NCAPG2: variants seen among roughly 807,000 people sequenced by gnomAD.
NCAPG2 encodes condensin-2 complex subunit G2.
NCAPG2 carries 53 observed loss-of-function variants against 141.1 expected under a neutral mutation model. That is an observed-to-expected ratio of 0.38 (90% CI 0.30 to 0.47). The LOEUF is 0.47. NCAPG2 is among the 20% of genes least tolerant of loss of function. The pLI, the probability that NCAPG2 is intolerant of heterozygous loss-of-function variation, is 0.99. For synonymous variants in NCAPG2, 499 were observed against 490.7 expected (o/e 1.02, Z -0.22); for missense variants, 1,087 against 1,389.0 (o/e 0.78, Z 3.46).
chr7:158,658,324 A>G lies in NCAPG2; in HGVS notation c.2060+14T>C, dbSNP rs965930010. ...TTCCTACTTTTCTACCGTACCAAAA[A>G]ACAGAGCAAATACCTGAATGGGGGG... On this transcript the variant is annotated intron_variant, in intron 17 of 27. Coordinates refer to ENST00000356309, the MANE Select transcript of NCAPG2 (RefSeq NM_017760.7). 2 of 1,600,988 alleles carry G rather than the reference A, an allele frequency of 1.2e-6. No individual in the cohort carries two copies. Among genetic ancestry groups the G allele is most frequent in the Non-Finnish European group, 1.7e-6 (2 of 1,173,766 alleles).
chr7:158,670,773 C>T (rs1314643066), intron 13 of NCAPG2, among the ~76,000 whole-genome samples: 1 of 152,116 alleles, frequency 6.6e-6, no homozygotes, highest in Non-Finnish European at 1.5e-5. Context: ...TTCATGGCCA[C>T]ACGGCACCAC....
chr7:158,655,655 C>T (rs148667912), intron 19 of NCAPG2, among the ~76,000 whole-genome samples, 200 bp from the exon 20 acceptor site: 2 of 744 alleles, frequency 2.7e-3, no homozygotes, highest in Non-Finnish European at 7.1e-3. Context: ...GGTGAGCAGC[C>T]TCAGCTCACC....
At chr7:158,651,692 T>C (rs1388373597) in intron 23 of NCAPG2, among the ~76,000 whole-genome samples, 1 of 152,212 alleles carries the variant, frequency 6.6e-6, no homozygotes, top group African/African-American at 2.4e-5. Flanking sequence ...GGTTTTTATA[T>C]GAAGTGCTTA....
chr7:158,695,744 T>C (rs1000007062), intron 2 of NCAPG2, among the ~76,000 whole-genome samples: 1 of 150,986 alleles, frequency 6.6e-6, no homozygotes, highest in Non-Finnish European at 1.5e-5. Context: ...TCTAGGGCCA[T>C]AGGACACTGG....
At chr7:158,637,909 C>T (rs545818476) in intron 27 of NCAPG2, among the ~76,000 whole-genome samples, 35 of 152,160 alleles carry the variant, frequency 2.3e-4, no homozygotes, top group South Asian at 1.9e-3. Context: ...TTTGGGAGGC[C>T]GAGGCGGGCG....
At chr7:158,656,127 A>T in intron 19 of NCAPG2, 133 bp downstream of exon 19, 4 of 1,176,154 alleles carry the variant, frequency 3.4e-6, no homozygotes, top group Non-Finnish European at 4.8e-6. Context: ...CAACTGAATG[A>T]GGTGACATGA....
At chr7:158,636,200 T>C (rs929822026) in intron 27 of NCAPG2, among the ~76,000 whole-genome samples, 8 of 152,146 alleles carry the variant, frequency 5.3e-5, no homozygotes, top group African/African-American at 7.2e-5. Context: ...CTTTTCCACA[T>C]TGTAAGTTCT....
intron 11 of NCAPG2, among the ~76,000 whole-genome samples, chr7:158,676,365 G>T (rs906864117): frequency 4.6e-5 from 7 of 152,192 alleles, no homozygotes; most frequent in African/African-American, 1.4e-4. Context: ...AAAAGATTAT[G>T]GCAAGAGAGC....
At chr7:158,671,413 AGTTAT>A in intron 13 of NCAPG2, 96 bp downstream of exon 13, 1 of 1,367,992 alleles carries the variant, frequency 7.3e-7, no homozygotes, top group Non-Finnish European at 1.0e-6. Context: ...AAATCATATC[AGTTAT>A]CAGTTTAAAA....
At chr7:158,700,896 C>T (rs368410618) in intron 2 of NCAPG2, among the ~76,000 whole-genome samples, 12 of 152,190 alleles carry the variant, frequency 7.9e-5, no homozygotes, top group African/African-American at 2.9e-4. Context: ...GTCCTAGGCC[C>T]TTTTATCTGA....
At position 158,689,830 on chromosome 7, in the gene NCAPG2, T is replaced by C. The variant is rs928482830; in HGVS notation, c.661A>G (p.Lys221Glu). Residue 221 changes from lysine to glutamate, a missense_variant, in exon 6 of 28, where the codon AAG (lysine) becomes GAG (glutamate). Transcript: ENST00000356309. ...LECFININYI[K>E]KEEGRRFLSC... is the part of the protein sequence containing the mutation. ...AAATACCTATTTACCTCTTCTTTCT[T>C]GATATAATTAATATTTATGAAGCAC... 2 of 1,578,920 alleles carry C rather than the reference T, an allele frequency of 1.3e-6. No individual in the cohort carries two copies. The highest frequency in any genetic ancestry group is 1.7e-6 in the Non-Finnish European group (2 of 1,158,716).
chr7:158,639,834 C>A, intron 27 of NCAPG2: 1 of 976,262 alleles, frequency 1.0e-6, no homozygotes. Context: ...TATTTCAAAC[C>A]TAATGCAAAC....
chr7:158,687,059 A>G (rs1326281582), intron 7 of NCAPG2, among the ~76,000 whole-genome samples: 1 of 152,194 alleles, frequency 6.6e-6, no homozygotes. Context: ...CATTGCATTC[A>G]AAGTACCATG....
At chr7:158,642,246 A>G (rs1017217210) in intron 27 of NCAPG2, among the ~76,000 whole-genome samples, 12 of 152,240 alleles carry the variant, frequency 7.9e-5, no homozygotes, top group African/African-American at 2.7e-4. Flanking sequence ...GGAAGCAAGA[A>G]TGATGGAAAG....
At chr7:158,642,582 TA>T (rs1303182871) in intron 27 of NCAPG2, among the ~76,000 whole-genome samples, 4 of 111,692 alleles carry the variant, frequency 3.6e-5, no homozygotes, top group African/African-American at 1.3e-4. Context: ...GACAAAAAGA[TA>T]AATAGAAAAA....
chr7:158,692,144 A>AAAAAC (rs552342639), intron 4 of NCAPG2, among the ~76,000 whole-genome samples: 145 of 152,232 alleles, frequency 9.5e-4, no homozygotes, highest in East Asian at 3.1e-3. Context: ...GTCTCTACCA[A>AAAAAC]AAAACAAAAC....
intron 5 of NCAPG2, 101 bp from the exon 6 acceptor site, chr7:158,690,054 G>T: frequency 9.3e-7 from 1 of 1,075,022 alleles, no homozygotes. Context: ...AATTCTAGTT[G>T]ATTCATCAAA....
chr7:158,641,178 G>T, intron 27 of NCAPG2: 1 of 252,040 alleles, frequency 4.0e-6, no homozygotes, highest in Non-Finnish European at 7.5e-6. Context: ...ATCATAAAAT[G>T]TTCAGTTAAA....
intron 2 of NCAPG2, among the ~76,000 whole-genome samples, chr7:158,693,788 G>A (rs974963383): frequency 1.3e-5 from 2 of 152,166 alleles, no homozygotes; most frequent in African/African-American, 2.4e-5. Flanking sequence ...TACAAAAGTA[G>A]GCTAAAGTTC....
Sources: gnomAD v4.1 joint callset for allele counts (sites outside exome capture counted in the v4.1 genomes callset) on GRCh38, gnomAD v4.1.1 for gene constraint, MANE v1.5 for transcripts, NCBI Gene and HGNC (gene_info 2026-07-23, HGNC 2026-07-21) for gene names.